Variants in ERC1 observed in about 807,000 individuals in gnomAD.
ERC1 encodes the protein RAB6 interacting protein 2.
Under a neutral mutation model 132.0 loss-of-function variants are expected in ERC1, and 56 were observed. The ratio of observed to expected loss-of-function variants is 0.42; its 90% CI spans 0.34 to 0.53. ERC1 has a LOEUF of 0.53. Among genes scored for constraint, ERC1 ranks in the 20% least tolerant of loss-of-function variants. The pLI is 0.03. For synonymous variants in ERC1, 478 were observed against 476.1 expected (o/e 1.00, Z -0.05); for missense variants, 1,202 against 1,349.9 (o/e 0.89, Z 1.72).
intron 18 of ERC1, among the ~76,000 whole-genome samples, chr12:1,480,542 T>G (rs981036522): frequency 6.6e-6 from 1 of 152,208 alleles, no homozygotes; most frequent in South Asian, 2.1e-4. Context: ...CTTACATTAC[T>G]GCGTTTGGAT....
intron 18 of ERC1, among the ~76,000 whole-genome samples, chr12:1,473,845 G>A (rs1373103187): frequency 1.3e-5 from 2 of 152,128 alleles, no homozygotes; most frequent in Non-Finnish European, 2.9e-5. Flanking sequence ...GTGCTAAAGG[G>A]ATTCTGTAGA....
chr12:1,078,706 C>T (rs1211487627), intron 2 of ERC1, among the ~76,000 whole-genome samples: 1 of 151,964 alleles, frequency 6.6e-6, no homozygotes, highest in Non-Finnish European at 1.5e-5. Context: ...ATGAAGAGCT[C>T]TTAAAATGGA....
intron 2 of ERC1, among the ~76,000 whole-genome samples, chr12:1,075,732 AAG>A (rs1321199852): frequency 6.6e-6 from 1 of 152,142 alleles, no homozygotes; most frequent in African/African-American, 2.4e-5. Flanking sequence ...CTCGGGGGAA[AAG>A]AAAAAAAAAG....
Position 1,465,699 on chromosome 12 carries a change from G to A in ERC1, c.3213+20949G>A, listed in dbSNP as rs183456708. 1.2e-4 allele frequency among the ~76,000 whole-genome samples: 19 copies of A among 152,152 alleles called. No individual in the cohort carries two copies. The East Asian group carries it at 2.5e-3, about 20-fold the overall frequency. On this transcript the variant is annotated intron_variant, in intron 18 of 18. Coordinates refer to ENST00000360905, the MANE Select transcript of ERC1 (RefSeq NM_178040.4). ...CCCTGTGCCCATGCCTGAAAGCCCC[G>A]CTTCCCCTAGAGAGGTGGGGGCAGT...
chr12:1,025,242 GCTTT>G (rs1251719877), intron 1 of ERC1, among the ~76,000 whole-genome samples: 1 of 152,044 alleles, frequency 6.6e-6, no homozygotes, highest in Admixed American at 6.6e-5. Context: ...TGAGTGTAAA[GCTTT>G]CTAAGTTGAG....
intron 1 of ERC1, among the ~76,000 whole-genome samples, chr12:1,019,038 A>C (rs557873186): frequency 6.6e-6 from 1 of 152,172 alleles, no homozygotes; most frequent in Non-Finnish European, 1.5e-5. Flanking sequence ...TCACGTGGAG[A>C]AGGACAGTGG....
At position 1,484,773 on chromosome 12, in the gene ERC1, G is replaced by A. The variant is rs146565932; in HGVS notation, c.3214-5320G>A. On this transcript the variant is annotated intron_variant, in intron 18 of 18. Transcript: ENST00000360905. ...TTTGTATTTTTTTTAGTAGAGATGGGGTTTCACCATGCTAGTCAGGCTGGT... is the reference window on the plus strand; with the variant it reads ...TTTGTATTTTTTTTAGTAGAGATGGAGTTTCACCATGCTAGTCAGGCTGGT... Among the ~76,000 whole-genome samples the A allele has an allele frequency of 8.6e-3, 1,309 of 151,944 alleles. 23 individuals are homozygous for A. Among genetic ancestry groups the A allele is most frequent in the African/African-American group, 0.03 (1,230 of 41,422 alleles).
In ERC1 at chr12:1,491,904, ACACT is replaced by A; in HGVS notation, c.*1678_*1681del. The A allele has an allele frequency of 4.3e-6, 1 of 232,622 alleles. No homozygotes were observed. The highest frequency in any genetic ancestry group is 8.5e-6 in the Non-Finnish European group (1 of 117,722). 14.4% of individuals were successfully genotyped at this position (232,622 alleles called of 1,614,324 possible). A position where few individuals can be genotyped will look rare whatever the true frequency, so the allele number is the denominator to read the frequency against. ...CACCTCTACCACCAGAACCCAGCAG[ACACT>A]CACATCTCCTGATAAGAGTTGCTGG... On this transcript the variant is annotated 3_prime_UTR_variant, in exon 19 of 19. Transcript: ENST00000360905.
At position 1,190,060 on chromosome 12, in the gene ERC1, A is replaced by T; in HGVS notation, c.2351+8A>T. 2 of 1,609,854 alleles carry T rather than the reference A, an allele frequency of 1.2e-6. No individual in the cohort carries two copies. The highest frequency in any genetic ancestry group is 1.7e-6 in the Non-Finnish European group (2 of 1,176,542). ...GATAGCTGAGTTGGAAAGGTAAGAA[A>T]GTGAAGCTGATTGGGGCTTATGAGG... is the stretch of plus-strand genomic sequence containing the variant. On this transcript the variant is annotated splice_region_variant and intron_variant, in intron 12 of 18. Coordinates refer to ENST00000360905, the MANE Select transcript of ERC1 (RefSeq NM_178040.4).
In ERC1 at chr12:1,110,368, T is replaced by C. The variant is rs748889430; in HGVS notation, c.1317+21T>C. 2.9e-5 allele frequency: 45 copies of C among 1,572,254 alleles called. 1 individual carries two copies. The South Asian group carries it at 5.3e-4, about 18-fold the overall frequency. On this transcript the variant is annotated intron_variant, in intron 5 of 18. Transcript: ENST00000360905. ...ATAAGGTAATGGCATGTGAGACTTT[T>C]GATTCTTAAAAGGAGTTTGAAAAAT... is the stretch of plus-strand genomic sequence containing the variant.
Position 1,289,860 on chromosome 12 carries a change from G to A in ERC1, c.2628G>A (p.Glu876=). The change falls in exon 15 of 19, where the codon GAG becomes GAA. Residue 876 remains glutamate (E), a synonymous_variant. Transcript: ENST00000360905. ...TCCCATATTTATGATAGGTGGAGGA[G>A]TTACTGATGGCCATGGAGAAGGTAA... ...ARTNAEKQVE[E]LLMAMEKVKQ... is the part of the protein sequence containing the mutation. 1.2e-5 allele frequency: 19 copies of A among 1,613,470 alleles called. No homozygotes were observed. Among genetic ancestry groups the A allele is most frequent in the Non-Finnish European group, 1.5e-5 (18 of 1,179,460 alleles).
At chr12:1,170,366 G>T (rs918073010) in intron 8 of ERC1, among the ~76,000 whole-genome samples, 1 of 152,024 alleles carries the variant, frequency 6.6e-6, no homozygotes, top group Non-Finnish European at 1.5e-5. Flanking sequence ...TCTTGTGCCT[G>T]CTTTAGTTTT....
At chr12:1,097,995 G>A (rs1039436424) in intron 3 of ERC1, among the ~76,000 whole-genome samples, 3 of 152,182 alleles carry the variant, frequency 2.0e-5, no homozygotes, top group South Asian at 2.1e-4. Flanking sequence ...GATTACAGGC[G>A]TGAGCCATGG....
intron 1 of ERC1, among the ~76,000 whole-genome samples, chr12:1,016,191 C>T (rs534209951): frequency 8.6e-5 from 13 of 151,666 alleles, no homozygotes; most frequent in Non-Finnish European, 1.6e-4. Context: ...AGATTTATGT[C>T]AGAATTTCAC....
intron 18 of ERC1, among the ~76,000 whole-genome samples, chr12:1,486,880 A>G (rs1184595844): frequency 6.6e-6 from 1 of 152,264 alleles, no homozygotes; most frequent in African/African-American, 2.4e-5. Context: ...TGGGAAATAA[A>G]TAAGTGACTT....
intron 7 of ERC1, among the ~76,000 whole-genome samples, chr12:1,128,192 A>G (rs1354215465): frequency 6.6e-6 from 1 of 152,172 alleles, no homozygotes; most frequent in Admixed American, 6.5e-5. Flanking sequence ...CCCTGAACCA[A>G]TAATGGGAGT....
In ERC1 at chr12:1,444,679, C is replaced by T; in HGVS notation, c.3142C>T (p.Pro1048Ser). 6.2e-7 allele frequency: 1 copy of T among 1,614,178 alleles called. No individual in the cohort carries two copies. Among genetic ancestry groups the T allele is most frequent in the Non-Finnish European group, 8.5e-7 (1 of 1,180,016 alleles). Residue 1048 changes from proline (P) to serine (S), a missense_variant, in exon 18 of 19, where the codon CCA becomes TCA. Coordinates refer to ENST00000360905, the MANE Select transcript of ERC1 (RefSeq NM_178040.4). ...DPLILRGLTP[P>S]ASYNLDDDQA... is the part of the protein sequence containing the mutation. ...CCTGATCCTCCGTGGACTCACTCCA[C>T]CAGCTTCCTATAACTTGGACGATGA...
intron 8 of ERC1, among the ~76,000 whole-genome samples, chr12:1,158,157 G>A (rs1486198420): frequency 6.6e-6 from 1 of 152,046 alleles, no homozygotes; most frequent in East Asian, 1.9e-4. Flanking sequence ...GATTTAACAC[G>A]TTTAAAAATG....
chr12:1,038,044 C>CA (rs879737756), intron 2 of ERC1, among the ~76,000 whole-genome samples: 224 of 114,612 alleles, frequency 2.0e-3, no homozygotes, highest in Middle Eastern at 9.5e-3. Context: ...GACTCCGTCT[C>CA]AAAAAAAAAA....
Sources: allele counts gnomAD v4.1 joint callset (sites outside exome capture counted in the v4.1 genomes callset), GRCh38; gene constraint gnomAD v4.1.1; transcripts MANE v1.5; gene names NCBI Gene and HGNC (gene_info 2026-07-23, HGNC 2026-07-21).